The following KLHL2 variants were observed in gnomAD, a reference collection of about 807,000 sequenced individuals.
KLHL2 encodes kelch-like protein 2.
Under a neutral mutation model 75.8 loss-of-function variants are expected in KLHL2, and 15 were observed. The observed-to-expected ratio is 0.20, with a 90% CI of 0.13 to 0.30. KLHL2 has a LOEUF of 0.30. Among genes scored for constraint, KLHL2 ranks in the 10% least tolerant of loss-of-function variants. KLHL2 has a pLI of 1.00. For synonymous variants in KLHL2, 214 were observed against 251.9 expected (o/e 0.85, Z 1.42); for missense variants, 381 against 741.0 (o/e 0.51, Z 5.64).
At chr4:165,305,831 A>G in intron 9 of KLHL2, 106 bp downstream of exon 9, 1 of 786,946 alleles carries the variant, frequency 1.3e-6, no homozygotes, top group Non-Finnish European at 2.1e-6. Flanking sequence ...AAAAGCTTTG[A>G]GTAAAATAGC....
intron 2 of KLHL2, among the ~76,000 whole-genome samples, chr4:165,221,297 A>G (rs924192470): frequency 3.3e-5 from 5 of 152,212 alleles, no homozygotes; most frequent in Non-Finnish European, 5.9e-5. Context: ...TGGTGCTAGA[A>G]AGGTGGATAA....
At chr4:165,321,106 C>T (rs140264531) in intron 14 of KLHL2, among the ~76,000 whole-genome samples, 4 of 152,070 alleles carry the variant, frequency 2.6e-5, no homozygotes, top group East Asian at 1.9e-4. Flanking sequence ...AGTGGAAAGA[C>T]GATTGGTATT....
rs531655832 is a variant in KLHL2, at chr4:165,244,882, T to G, written c.381+5983T>G. Among the ~76,000 whole-genome samples the G allele has an allele frequency of 2.0e-5, 3 of 152,272 alleles. No homozygotes were observed. The South Asian group carries it at 6.2e-4, about 32-fold the overall frequency. ...TCTGTTTGTGTTTGTGTGTGTGTTTTTTTTGACATTTTCAAAAAATAATTT... is the reference window on the plus strand; with the variant it reads ...TCTGTTTGTGTTTGTGTGTGTGTTTGTTTTGACATTTTCAAAAAATAATTT... On this transcript the variant is annotated intron_variant, in intron 4 of 14. Coordinates refer to ENST00000226725, the MANE Select transcript of KLHL2 (RefSeq NM_007246.4).
At chr4:165,255,385 G>T (rs1295558251) in intron 4 of KLHL2, among the ~76,000 whole-genome samples, 2 of 152,076 alleles carry the variant, frequency 1.3e-5, no homozygotes, top group African/African-American at 2.4e-5. Flanking sequence ...CAGTTTTTTT[G>T]TGGGGAGGGG....
At chr4:165,270,825 G>C (rs1352293523) in intron 5 of KLHL2, among the ~76,000 whole-genome samples, 1 of 152,200 alleles carries the variant, frequency 6.6e-6, no homozygotes, top group African/African-American at 2.4e-5. Context: ...GAGCTCAAAC[G>C]CCATGCTGAG....
intron 3 of KLHL2, among the ~76,000 whole-genome samples, chr4:165,233,616 G>T (rs1457197459): frequency 1.3e-5 from 2 of 152,082 alleles, no homozygotes; most frequent in Non-Finnish European, 2.9e-5. Context: ...CATTCATCAA[G>T]GAATATTTAT....
intron 4 of KLHL2, among the ~76,000 whole-genome samples, chr4:165,255,786 G>A (rs1287266375): frequency 2.0e-5 from 3 of 152,044 alleles, no homozygotes; most frequent in African/African-American, 7.2e-5. Context: ...TTGCAGGATA[G>A]CTATGGCTAG....
At chr4:165,241,286 A>T (rs1739798182) in intron 4 of KLHL2, among the ~76,000 whole-genome samples, 1 of 152,240 alleles carries the variant, frequency 6.6e-6, no homozygotes, top group Non-Finnish European at 1.5e-5. Flanking sequence ...TCAATGAAAA[A>T]AATAAGACTA....
chr4:165,216,756 G>T (rs887861647), intron 1 of KLHL2, among the ~76,000 whole-genome samples: 1 of 152,122 alleles, frequency 6.6e-6, no homozygotes, highest in African/African-American at 2.4e-5. Flanking sequence ...TATGGAAAGG[G>T]CATTCGTTTT....
intron 1 of KLHL2, among the ~76,000 whole-genome samples, chr4:165,213,609 A>G (rs1264822847): frequency 6.6e-6 from 1 of 152,144 alleles, no homozygotes; most frequent in East Asian, 1.9e-4. Flanking sequence ...CTATGTACTG[A>G]CTTGTGCCAT....
intron 11 of KLHL2, among the ~76,000 whole-genome samples, chr4:165,312,243 C>T (rs532400620): frequency 7.2e-5 from 11 of 152,220 alleles, no homozygotes; most frequent in Admixed American, 5.9e-4. Context: ...GGTTTGGGGA[C>T]TGCTGCTGTA....
intron 5 of KLHL2, among the ~76,000 whole-genome samples, chr4:165,268,514 C>G (rs115088022): frequency 6.6e-6 from 1 of 152,164 alleles, no homozygotes; most frequent in African/African-American, 2.4e-5. Flanking sequence ...TACATTCTGT[C>G]TTCGTTTTCA....
chr4:165,215,647 A>AT (rs1447295303), intron 1 of KLHL2, among the ~76,000 whole-genome samples: 1 of 152,140 alleles, frequency 6.6e-6, no homozygotes, highest in East Asian at 1.9e-4. Flanking sequence ...AGGGCCAAGT[A>AT]TTTATGTCCT....
chr4:165,218,398 G>C (rs1473981972), intron 1 of KLHL2, among the ~76,000 whole-genome samples: 4 of 152,104 alleles, frequency 2.6e-5, no homozygotes, highest in Non-Finnish European at 5.9e-5. Context: ...GGCCTTTGCT[G>C]TAGTTACTAC....
intron 2 of KLHL2, among the ~76,000 whole-genome samples, chr4:165,220,447 C>T (rs376030036): frequency 7.2e-5 from 11 of 151,982 alleles, no homozygotes; most frequent in Admixed American, 3.9e-4. Flanking sequence ...AGGCCAGGTG[C>T]GGTGACTCAT....
chr4:165,256,790 C>T (rs1741210211), intron 4 of KLHL2, among the ~76,000 whole-genome samples: 1 of 152,064 alleles, frequency 6.6e-6, no homozygotes, highest in African/African-American at 2.4e-5. Flanking sequence ...CACACCTAAC[C>T]AGAGATAAAA....
At chr4:165,238,707 A>G (rs1048052286) in intron 3 of KLHL2, 71 bp from the exon 4 acceptor site, 6 of 1,598,450 alleles carry the variant, frequency 3.8e-6, no homozygotes, top group African/African-American at 2.7e-5. Context: ...AGATGTATCA[A>G]TCTACATTGG....
intron 14 of KLHL2, among the ~76,000 whole-genome samples, chr4:165,320,676 CATT>C (rs1746906408): frequency 6.6e-6 from 1 of 152,114 alleles, no homozygotes; most frequent in African/African-American, 2.4e-5. Context: ...TTGAATATAT[CATT>C]GTTATAGAAA....
chr4:165,246,422 C>G (rs1740265590), intron 4 of KLHL2, among the ~76,000 whole-genome samples: 2 of 151,842 alleles, frequency 1.3e-5, no homozygotes, highest in African/African-American at 4.8e-5. Context: ...TTCCCATCTG[C>G]TAGCTGGAGG....
Sources: gnomAD v4.1 joint callset for allele counts (sites outside exome capture counted in the v4.1 genomes callset) on GRCh38, gnomAD v4.1.1 for gene constraint, MANE v1.5 for transcripts, NCBI Gene and HGNC (gene_info 2026-07-23, HGNC 2026-07-21) for gene names.